Variants in UNC13C observed in about 807,000 individuals in gnomAD.
The protein encoded by UNC13C is protein unc-13 homolog C.
In UNC13C, 174 loss-of-function variants were observed where a neutral mutation model predicts 245.4. That is an observed-to-expected ratio of 0.71 (90% CI 0.63 to 0.80). UNC13C has a LOEUF of 0.80. Among genes scored for constraint, UNC13C ranks in the 30% least tolerant of loss-of-function variants. The pLI is 0.00. For synonymous variants in UNC13C, 992 were observed against 895.1 expected, an observed-to-expected ratio of 1.11 and a Z score of -1.93; for missense variants, 2,829 against 2,602.9, an observed-to-expected ratio of 1.09 and a Z score of -1.89.
At chr15:54,630,702 T>C (rs1242282304), downstream of UNC13C, 4 of 152,174 alleles carry the variant, frequency 2.6e-5, no homozygotes, top group Non-Finnish European at 4.4e-5. Context: ...CTTTGCTCTT[T>C]TGACTCCCCA....
Position 54,300,283 on chromosome 15 carries a change from C to G in UNC13C, c.4178C>G (p.Ala1393Gly), listed in dbSNP as rs937009192. The G allele has an allele frequency of 2.5e-6, 4 of 1,594,468 alleles. No homozygotes were observed. In the African/African-American group the frequency reaches 4.0e-5, roughly 16 times the overall value. ...ATCCCAGAAGTCAAAGGGGATGAAG[C>G]CTGGAAGGTTTTCTTTGATGATGCT... ...VKIPEVKGDE[A>G]WKVFFDDASQ... The change falls in exon 13 of 33, where the codon GCC becomes GGC. Residue 1393 changes from alanine to glycine, a missense_variant. Coordinates refer to ENST00000260323, the MANE Select transcript of UNC13C (RefSeq NM_001080534.3).
the UNC13C span, chr15:53,911,087 C>G: frequency 6.6e-6 from 1 of 152,234 alleles, no homozygotes; most frequent in African/African-American, 2.4e-5. Flanking sequence ...AGGAATGCAC[C>G]TTTGCTGGCA....
intron 19 of UNC13C, among the ~76,000 whole-genome samples, chr15:54,440,346 A>G (rs528606718): frequency 2.0e-5 from 3 of 152,064 alleles, no homozygotes; most frequent in East Asian, 1.9e-4. Context: ...AAACAAACAA[A>G]TACTCTCTAA....
chr15:53,995,490 T>C (rs1290383277), intron 1 of UNC13C, among the ~76,000 whole-genome samples: 1 of 139,786 alleles, frequency 7.2e-6, no homozygotes, highest in Admixed American at 7.4e-5. Flanking sequence ...CTGAAAGTTT[T>C]TTCAATGTTC....
chr15:53,987,307 T>C (rs1227292551), intron 1 of UNC13C, among the ~76,000 whole-genome samples: 2 of 152,010 alleles, frequency 1.3e-5, no homozygotes, highest in Admixed American at 6.6e-5. Context: ...GTAGAAATTA[T>C]TGGGAAAGTA....
At chr15:54,124,286 G>A (rs906469037) in intron 2 of UNC13C, among the ~76,000 whole-genome samples, 1 of 152,178 alleles carries the variant, frequency 6.6e-6, no homozygotes, top group African/African-American at 2.4e-5. Context: ...CAGTTTCACA[G>A]CATCCTCTCC....
chr15:53,951,296 T>G, the UNC13C span, among the ~76,000 whole-genome samples: 4 of 152,188 alleles, frequency 2.6e-5, no homozygotes, highest in Admixed American at 2.6e-4. Flanking sequence ...CTTGACTCAT[T>G]TCAACATTTT....
intron 15 of UNC13C, among the ~76,000 whole-genome samples, chr15:54,332,475 G>T (rs2038465202): frequency 6.6e-6 from 1 of 151,922 alleles, no homozygotes; most frequent in Non-Finnish European, 1.5e-5. Context: ...GAAATACTCT[G>T]CTGATATTTC....
chr15:54,081,719 G>GT (rs1337851859), intron 2 of UNC13C, among the ~76,000 whole-genome samples: 1 of 151,972 alleles, frequency 6.6e-6, no homozygotes, highest in Non-Finnish European at 1.5e-5. Flanking sequence ...GCAACAGCAG[G>GT]TTGAGTATTG....
At chr15:53,844,590 C>T in the UNC13C span, among the ~76,000 whole-genome samples, 1 of 152,050 alleles carries the variant, frequency 6.6e-6, no homozygotes, top group South Asian at 2.1e-4. Flanking sequence ...GCATTCTTGA[C>T]GATGACATTT....
At chr15:54,536,703 C>T (rs1400932916) in intron 26 of UNC13C, among the ~76,000 whole-genome samples, 1 of 151,980 alleles carries the variant, frequency 6.6e-6, no homozygotes, top group Non-Finnish European at 1.5e-5. Context: ...TGTGATTCAC[C>T]ATATAAACAG....
At chr15:53,871,322 C>T in the UNC13C span, among the ~76,000 whole-genome samples, 1 of 152,240 alleles carries the variant, frequency 6.6e-6, no homozygotes, top group Admixed American at 6.5e-5. Context: ...TGACTTTTGC[C>T]TATGTAATAT....
intron 30 of UNC13C, among the ~76,000 whole-genome samples, chr15:54,614,911 T>G (rs1900330152): frequency 6.6e-6 from 1 of 152,072 alleles, no homozygotes; most frequent in African/African-American, 2.4e-5. Flanking sequence ...CTGATTTATT[T>G]AGGAATACTG....
At chr15:54,333,926 C>G (rs2038506976) in intron 16 of UNC13C, 70 bp downstream of exon 16, 1 of 1,127,018 alleles carries the variant, frequency 8.9e-7, no homozygotes, top group South Asian at 1.4e-5. Flanking sequence ...TAAAGTCTTG[C>G]TTTACCCTCC....
chr15:54,124,363 T>C (rs2030889624), intron 2 of UNC13C, among the ~76,000 whole-genome samples: 2 of 152,226 alleles, frequency 1.3e-5, no homozygotes, highest in Non-Finnish European at 2.9e-5. Context: ...CATTTCACTA[T>C]GGTTTTTATT....
intron 26 of UNC13C, among the ~76,000 whole-genome samples, chr15:54,540,246 A>T (rs560532355): frequency 1.3e-5 from 2 of 152,172 alleles, no homozygotes; most frequent in Non-Finnish European, 2.9e-5. Flanking sequence ...TTTGATTTGG[A>T]TTGGGTATTT....
chr15:54,030,364 G>A (rs768580618), intron 2 of UNC13C, among the ~76,000 whole-genome samples: 18 of 151,790 alleles, frequency 1.2e-4, no homozygotes, highest in Admixed American at 2.6e-4. Flanking sequence ...CTGCCCCTGC[G>A]GTTAGTTGTT....
intron 22 of UNC13C, among the ~76,000 whole-genome samples, chr15:54,506,323 C>T (rs1253609323): frequency 2.0e-5 from 3 of 151,992 alleles, no homozygotes; most frequent in Middle Eastern, 3.2e-3. Context: ...TACGTACAAA[C>T]GAATAAGTAT....
chr15:54,227,269 C>T (rs948701165), intron 4 of UNC13C, among the ~76,000 whole-genome samples: 1 of 152,084 alleles, frequency 6.6e-6, no homozygotes, highest in Non-Finnish European at 1.5e-5. Flanking sequence ...CACGGGCGGG[C>T]CTGGAAAAAG....
Sources: allele counts gnomAD v4.1 joint callset (sites outside exome capture counted in the v4.1 genomes callset), GRCh38; gene constraint gnomAD v4.1.1; transcripts MANE v1.5; gene names NCBI Gene and HGNC (gene_info 2026-07-23, HGNC 2026-07-21).